E4F1: variants seen among roughly 807,000 people sequenced by gnomAD.
E4F1 encodes the protein E4F transcription factor 1.
E4F1 carries 30 observed loss-of-function variants against 72.9 expected under a neutral mutation model. That is an observed-to-expected ratio of 0.41 (90% CI 0.31 to 0.56). The LOEUF (loss-of-function observed/expected upper bound fraction) is 0.56, where lower values mean the gene tolerates loss of function less well. Ranked by LOEUF, E4F1 falls within the 20% of genes least tolerant of loss-of-function variation. The pLI is 0.25. For missense variants in E4F1, 1,091 were observed against 1,117.5 expected (o/e 0.98, Z 0.34); for synonymous variants, 542 against 478.2 (o/e 1.13, Z -1.74).
intron 1 of E4F1, chr16:2,228,160 G>A (rs750373926): frequency 4.5e-5 from 29 of 645,214 alleles, no homozygotes; most frequent in Non-Finnish European, 7.5e-5. Context: ...CTGAGGGTGG[G>A]TCTGGCCCCT....
In E4F1 at chr16:2,235,557, G is replaced by T; in HGVS notation, c.2340G>T (p.Gln780His). The change falls in exon 14 of 14, where the codon CAG (glutamine) becomes CAT (histidine). Residue 780 changes from glutamine (Q) to histidine (H), a missense_variant. Gln to His is a conservative substitution (Grantham distance 24, BLOSUM62 0). Transcript: ENST00000301727. ...IASPEGQLEVQTVIV is the reference protein window; with the variant it reads ...IASPEGQLEVHTVIV ...CGCCGGAGGGCCAGCTGGAGGTGCA[G>T]ACGGTCATCGTCTAGCATGAGGTCT... 6.3e-7 allele frequency: 1 copy of T among 1,597,324 alleles called. No homozygotes were observed. Among genetic ancestry groups the T allele is most frequent in the Non-Finnish European group, 8.5e-7 (1 of 1,169,604 alleles).
At chr16:2,232,418 C>T (rs2093473101) in intron 4 of E4F1, 38 bp from the exon 5 acceptor site, 2 of 1,604,754 alleles carry the variant, frequency 1.2e-6, no homozygotes, top group South Asian at 2.2e-5. Flanking sequence ...CTCCTGTTCC[C>T]CCAGGAGGGC....
Position 2,233,870 on chromosome 16 carries a change from G to A in E4F1, c.1267-12G>A, listed in dbSNP as rs1313375907. 1.9e-6 allele frequency: 3 copies of A among 1,575,852 alleles called. No individual in the cohort carries two copies. Among genetic ancestry groups the A allele is most frequent in the Non-Finnish European group, 2.6e-6 (3 of 1,160,856 alleles). ...TGCCCCGGGTGCTGGAGACCTTCCT[G>A]TGGTTCCCCAGCAGGTGGCCAGCGA... On this transcript the variant is annotated splice_polypyrimidine_tract_variant and intron_variant, in intron 8 of 13. Transcript: ENST00000301727.
intron 1 of E4F1, among the ~76,000 whole-genome samples, chr16:2,227,365 A>T (rs2093438002): frequency 6.6e-6 from 1 of 150,900 alleles, no homozygotes; most frequent in African/African-American, 2.4e-5. Context: ...ATGCGCCACC[A>T]AGCCTGGCTA....
intron 1 of E4F1, among the ~76,000 whole-genome samples, chr16:2,227,282 T>C (rs2093437567): frequency 6.6e-6 from 1 of 152,196 alleles, no homozygotes; most frequent in African/African-American, 2.4e-5. Context: ...AGATCTTGGC[T>C]TACTGCAACC....
intron 8 of E4F1, 103 bp from the exon 9 acceptor site, chr16:2,233,779 G>A (rs929351263): frequency 7.1e-7 from 1 of 1,417,812 alleles, no homozygotes; most frequent in Non-Finnish European, 9.5e-7. Flanking sequence ...GCCTTCCCTG[G>A]GGCCACAAGG....
intron 8 of E4F1, 30 bp downstream of exon 8, chr16:2,233,677 C>T: frequency 6.6e-7 from 1 of 1,523,358 alleles, no homozygotes. Context: ...GCGGGCTCCT[C>T]CCAGGGCTGG....
intron 2 of E4F1, 95 bp downstream of exon 2, chr16:2,228,618 G>A (rs758410740): frequency 3.2e-5 from 47 of 1,460,462 alleles, no homozygotes; most frequent in Non-Finnish European, 3.1e-5. Context: ...AGCCGGTTCC[G>A]GGGGCCACGT....
intron 9 of E4F1, 42 bp downstream of exon 9, chr16:2,234,032 C>T: frequency 1.3e-6 from 2 of 1,545,734 alleles, no homozygotes; most frequent in East Asian, 2.4e-5. Context: ...AGTGGATGGG[C>T]TATAGGTGGC....
intron 1 of E4F1, chr16:2,224,044 T>A (rs2093415912): frequency 8.4e-7 from 1 of 1,190,626 alleles, no homozygotes; most frequent in Non-Finnish European, 1.1e-6. Context: ...GTGTAGACAT[T>A]CGCAGACGCC....
At chr16:2,226,139 G>A (rs909798993) in intron 1 of E4F1, among the ~76,000 whole-genome samples, 6 of 152,052 alleles carry the variant, frequency 3.9e-5, no homozygotes, top group Non-Finnish European at 8.8e-5. Context: ...AGGAAGGGAG[G>A]TTGTTAATGA....
chr16:2,228,237 G>C, intron 1 of E4F1, 135 bp from the exon 2 acceptor site: 1 of 1,218,564 alleles, frequency 8.2e-7, no homozygotes, highest in Non-Finnish European at 1.2e-6. Flanking sequence ...TGTGTTCTCA[G>C]CAGCCTGGGG....
At chr16:2,231,871 C>T (rs565189658) in intron 3 of E4F1, 10 of 389,306 alleles carry the variant, frequency 2.6e-5, no homozygotes, top group African/African-American at 1.9e-4. Context: ...CGCACGTCCT[C>T]CTGGCTTTGG....
chr16:2,224,119 C>T (rs2093416492), intron 1 of E4F1, among the ~76,000 whole-genome samples: 1 of 152,256 alleles, frequency 6.6e-6, no homozygotes, highest in South Asian at 2.1e-4. Flanking sequence ...GGGCCCCTTC[C>T]TCCTGCACCT....
intron 1 of E4F1, among the ~76,000 whole-genome samples, chr16:2,228,111 G>A (rs564377166): frequency 1.6e-3 from 248 of 152,338 alleles, no homozygotes; most frequent in Non-Finnish European, 2.6e-3. Context: ...TGCAGCCTAA[G>A]CGTGCTGTCA....
rs2093492712 is a variant in E4F1, at chr16:2,234,679, C to T, written c.1690C>T (p.Arg564Trp). 2.5e-6 allele frequency: 4 copies of T among 1,580,734 alleles called. No homozygotes were observed. Among genetic ancestry groups the T allele is most frequent in the Non-Finnish European group, 2.6e-6 (3 of 1,163,042 alleles). The stretch of plus-strand genomic sequence containing the variant: ...CTTCCGAGAGAAGGGCTCACTGGTG[C>T]GGCACGTGCGACACCACACAGGCGA... ...RGFREKGSLV[R>W]HVRHHTGEKP... Residue 564 changes from arginine to tryptophan, a missense_variant, in exon 11 of 14, where the codon CGG (arginine) becomes TGG (tryptophan). Arg to Trp is a moderately radical substitution (Grantham distance 101). This residue lies in a region of E4F1 where 622 missense variants were observed against 628.0 expected (regional missense o/e 0.99). Coordinates refer to ENST00000301727, the MANE Select transcript of E4F1 (RefSeq NM_004424.5).
rs2093471525 is a variant in E4F1 at position 2,232,237 on chromosome 16, A to C, written c.482A>C (p.Glu161Ala). Residue 161 changes from glutamate to alanine, a missense_variant, in exon 4 of 14, where the codon GAG becomes GCG. By Grantham distance (107) the Glu-to-Ala change is moderately radical. This residue lies in a region of E4F1 where 362 missense variants were observed against 358.6 expected (regional missense o/e 1.01). Coordinates refer to ENST00000301727, the MANE Select transcript of E4F1 (RefSeq NM_004424.5). Reference sequence around the variant, plus strand: ...GAGCTGGGAGACGGTGAGATGGCCGAGGCCCCGGGCAGCCCCCGCCAGCAG... The same window carrying C: ...GAGCTGGGAGACGGTGAGATGGCCGCGGCCCCGGGCAGCCCCCGCCAGCAG... ...EAELGDGEMAEAPGSPRQQGL... is the reference protein window; with the variant it reads ...EAELGDGEMAAAPGSPRQQGL... 6.2e-7 allele frequency: 1 copy of C among 1,612,552 alleles called. No homozygotes were observed. The highest frequency in any genetic ancestry group is 1.1e-5 in the South Asian group (1 of 91,082).
At position 2,235,384 on chromosome 16, in the gene E4F1, G is replaced by C. The variant is rs2093501741; in HGVS notation, c.2167G>C (p.Val723Leu). 1 of 1,610,870 alleles carries C rather than the reference G, an allele frequency of 6.2e-7. No homozygotes were observed. Among genetic ancestry groups the C allele is most frequent in the African/African-American group, 1.3e-5 (1 of 74,942 alleles). Residue 723 changes from valine to leucine, a missense_variant, in exon 14 of 14, where the codon GTG becomes CTG. By Grantham distance (32) the Val-to-Leu change is conservative. Coordinates refer to ENST00000301727, the MANE Select transcript of E4F1 (RefSeq NM_004424.5). ...CACCCCCGAGAGCCTGACAGAGCAG[G>C]TGGCCATGACGCTGGCCTCGGCCAT... ...IATPESLTEQ[V>L]AMTLASAISE...
In E4F1 at chr16:2,232,739, C is replaced by T; in HGVS notation, c.731-17C>T. 6.2e-7 allele frequency: 1 copy of T among 1,612,862 alleles called. No individual in the cohort carries two copies. The highest frequency in any genetic ancestry group is 8.5e-7 in the Non-Finnish European group (1 of 1,179,920). ...GCCTGCTGGGGCTGCCCGGGGCTGA[C>T]TAGGTTCTCTCTGCAGATGAGCGCC... On this transcript the variant is annotated splice_polypyrimidine_tract_variant and intron_variant, in intron 5 of 13. Transcript: ENST00000301727.
Sources: allele counts gnomAD v4.1 joint callset (sites outside exome capture counted in the v4.1 genomes callset), GRCh38; gene constraint gnomAD v4.1.1; regional missense constraint gnomAD v4.1.1; transcripts MANE v1.5; gene names NCBI Gene and HGNC (gene_info 2026-07-23, HGNC 2026-07-21).